SND1: variants seen among roughly 807,000 people sequenced by gnomAD.
SND1 encodes staphylococcal nuclease domain-containing protein 1.
SND1 carries 38 observed loss-of-function variants against 121.7 expected under a neutral mutation model. The observed-to-expected ratio is 0.31, with a 90% CI of 0.24 to 0.41. SND1 has a LOEUF of 0.41. Among genes scored for constraint, SND1 ranks in the 10% least tolerant of loss-of-function variants. SND1 has a pLI of 1.00. For missense variants in SND1, 868 were observed against 1,184.6 expected (o/e 0.73, Z 3.92); for synonymous variants, 401 against 447.4 (o/e 0.90, Z 1.31).
intron 16 of SND1, chr7:128,027,838 T>G (rs1033614531): frequency 2.7e-5 from 4 of 149,826 alleles, no homozygotes; most frequent in Admixed American, 2.7e-4. Context: ...TTCAGGGGCC[T>G]CCTCCTCCTG....
intron 18 of SND1, 83 bp downstream of exon 18, chr7:128,081,584 G>C: frequency 6.5e-7 from 1 of 1,537,588 alleles, no homozygotes; most frequent in Non-Finnish European, 8.9e-7. Flanking sequence ...TGCCCAGTGG[G>C]TGGGAGGAAC....
intron 11 of SND1, among the ~76,000 whole-genome samples, chr7:127,827,403 A>C (rs1367844646): frequency 6.6e-6 from 1 of 152,172 alleles, no homozygotes; most frequent in Non-Finnish European, 1.5e-5. Context: ...ACCTAGCCTA[A>C]TTGCAAATTA....
rs1295371776 is a variant in SND1 at position 127,703,520 on chromosome 7, T to C, written c.840+197T>C. ...CGAAGTTAGGAGATTGAGACCATCC[T>C]GGCCAACATGGTGAAACCCTGTTTC... is the stretch of plus-strand genomic sequence containing the variant. On this transcript the variant is annotated intron_variant, in intron 7 of 23. Coordinates refer to ENST00000354725, the MANE Select transcript of SND1 (RefSeq NM_014390.4). Among the ~76,000 whole-genome samples the C allele has an allele frequency of 2.0e-5, 3 of 152,338 alleles. No individual in the cohort carries two copies. The East Asian group carries it at 5.8e-4, about 29-fold the overall frequency.
In SND1 at chr7:127,836,671, T is replaced by C. The variant is rs1401502818; in HGVS notation, c.1243-7653T>C. 3.3e-5 allele frequency among the ~76,000 whole-genome samples: 5 copies of C among 152,206 alleles called. No homozygotes were observed. In the East Asian group the frequency reaches 7.7e-4, roughly 23 times the overall value. ...ATCTACCAGTTATTTGTTTTCTTTTTAATAATATCAGCAATTAACAGAAGC... is the reference window on the plus strand; with the variant it reads ...ATCTACCAGTTATTTGTTTTCTTTTCAATAATATCAGCAATTAACAGAAGC... On this transcript the variant is annotated intron_variant, in intron 11 of 23. Transcript: ENST00000354725.
intron 16 of SND1, among the ~76,000 whole-genome samples, chr7:128,000,597 G>A (rs1273130519): frequency 6.6e-6 from 1 of 152,028 alleles, no homozygotes; most frequent in Non-Finnish European, 1.5e-5. Context: ...CTCAAACTCT[G>A]GGCTCAAGAG....
At chr7:127,821,711 A>T (rs1798552810) in intron 11 of SND1, among the ~76,000 whole-genome samples, 1 of 86,050 alleles carries the variant, frequency 1.2e-5, no homozygotes, top group South Asian at 5.3e-4. Context: ...TGTAGAAAGG[A>T]TGTGTTAAAA....
At chr7:128,050,946 C>A (rs941762795) in intron 16 of SND1, among the ~76,000 whole-genome samples, 1 of 152,224 alleles carries the variant, frequency 6.6e-6, no homozygotes, top group Non-Finnish European at 1.5e-5. Flanking sequence ...TCCATTTTGA[C>A]CGTAGACTCC....
intron 14 of SND1, among the ~76,000 whole-genome samples, chr7:127,911,976 CTCTT>C (rs1412577763): frequency 9.2e-5 from 14 of 151,872 alleles, no homozygotes; most frequent in Non-Finnish European, 1.5e-4. Context: ...GTTTCTCTCT[CTCTT>C]TCTTTTATTT....
intron 15 of SND1, among the ~76,000 whole-genome samples, chr7:127,985,548 G>A (rs1802367932): frequency 6.6e-6 from 1 of 152,218 alleles, no homozygotes; most frequent in Non-Finnish European, 1.5e-5. Context: ...TTCAGCCACT[G>A]TGCCCGGCCA....
intron 13 of SND1, among the ~76,000 whole-genome samples, chr7:127,891,091 C>T (rs1420930926): frequency 6.6e-6 from 1 of 152,088 alleles, no homozygotes; most frequent in African/African-American, 2.4e-5. Context: ...AGCCTGGTGC[C>T]ATCTTCTCGA....
At chr7:127,930,608 G>A (rs1363075252) in intron 15 of SND1, among the ~76,000 whole-genome samples, 2 of 152,108 alleles carry the variant, frequency 1.3e-5, no homozygotes, top group Admixed American at 6.5e-5. Context: ...CGCAAAAGAA[G>A]AGATGCAAAA....
At chr7:127,881,714 G>T (rs1161853243) in intron 12 of SND1, among the ~76,000 whole-genome samples, 1 of 152,144 alleles carries the variant, frequency 6.6e-6, no homozygotes, top group African/African-American at 2.4e-5. Flanking sequence ...AAAGTTAGCG[G>T]TGGTTGGTGT....
chr7:127,665,326 A>G (rs1795395448), intron 1 of SND1, among the ~76,000 whole-genome samples: 1 of 151,836 alleles, frequency 6.6e-6, no homozygotes, highest in Non-Finnish European at 1.5e-5. Flanking sequence ...AGCTGGGACT[A>G]CAGGCGCCCG....
chr7:127,724,939 T>C (rs1328173602), intron 10 of SND1, among the ~76,000 whole-genome samples: 4 of 152,080 alleles, frequency 2.6e-5, no homozygotes, highest in Non-Finnish European at 4.4e-5. Flanking sequence ...TCTTTATACT[T>C]GCCTTTTGAC....
intron 12 of SND1, among the ~76,000 whole-genome samples, chr7:127,869,280 C>A (rs569535983): frequency 6.6e-6 from 1 of 152,098 alleles, no homozygotes; most frequent in South Asian, 2.1e-4. Flanking sequence ...AGGGTTGGAG[C>A]AGAGGGAGCA....
At chr7:127,763,420 C>T (rs544212104) in intron 10 of SND1, among the ~76,000 whole-genome samples, 2 of 152,220 alleles carry the variant, frequency 1.3e-5, no homozygotes, top group African/African-American at 4.8e-5. Context: ...AATCACAGCT[C>T]ATTGCAGCCT....
intron 13 of SND1, among the ~76,000 whole-genome samples, chr7:127,890,834 A>G (rs1799997993): frequency 6.6e-6 from 1 of 152,154 alleles, no homozygotes; most frequent in African/African-American, 2.4e-5. Flanking sequence ...TTGCTTGCTA[A>G]GGCAGTGAGC....
intron 15 of SND1, among the ~76,000 whole-genome samples, chr7:127,988,303 G>T (rs917713904): frequency 9.9e-5 from 15 of 152,150 alleles, no homozygotes; most frequent in Non-Finnish European, 1.8e-4. Context: ...TGCCTGATGG[G>T]AATGGATGTG....
At chr7:127,749,688 C>T (rs1797051008) in intron 10 of SND1, among the ~76,000 whole-genome samples, 1 of 152,052 alleles carries the variant, frequency 6.6e-6, no homozygotes, top group Non-Finnish European at 1.5e-5. Context: ...AGTTTTAATC[C>T]AGGAGGACAG....
Sources: allele counts gnomAD v4.1 joint callset (sites outside exome capture counted in the v4.1 genomes callset), GRCh38; gene constraint gnomAD v4.1.1; transcripts MANE v1.5; gene names NCBI Gene and HGNC (gene_info 2026-07-23, HGNC 2026-07-21).